Variants in DSCAM observed in about 807,000 individuals in gnomAD.
The protein encoded by DSCAM is cell adhesion molecule DSCAM.
A neutral mutation model predicts 217.7 loss-of-function variants in DSCAM; 47 were observed. That is an observed-to-expected ratio of 0.22 (90% confidence interval 0.17 to 0.28). DSCAM has a LOEUF of 0.28. Among genes scored for constraint, DSCAM ranks in the 10% least tolerant of loss-of-function variants. The probability of loss-of-function intolerance (pLI) is 1.00; values close to 1 mark genes in which losing one functional copy is unlikely to be tolerated. For missense variants in DSCAM, 2,080 were observed against 2,618.3 expected (o/e 0.79, Z 4.49); for synonymous variants, 1,056 against 1,015.3 (o/e 1.04, Z -0.76).
chr21:40,542,025 C>A (rs1307586736), intron 3 of DSCAM, among the ~76,000 whole-genome samples: 1 of 152,094 alleles, frequency 6.6e-6, no homozygotes, highest in African/African-American at 2.4e-5. Flanking sequence ...CACAAAAGAG[C>A]ATGGAGAAAA....
At chr21:40,365,520 C>G (rs949161095) in intron 4 of DSCAM, among the ~76,000 whole-genome samples, 2 of 152,246 alleles carry the variant, frequency 1.3e-5, no homozygotes, top group South Asian at 2.1e-4. Context: ...CTTGTGATCA[C>G]GTGAGTCATT....
At chr21:40,480,755 T>C (rs1463364890) in intron 3 of DSCAM, among the ~76,000 whole-genome samples, 1 of 152,186 alleles carries the variant, frequency 6.6e-6, no homozygotes, top group African/African-American at 2.4e-5. Flanking sequence ...CAGTAAAGAA[T>C]GTACATTAGG....
At chr21:40,770,222 TTTC>T (rs1337499483) in intron 1 of DSCAM, among the ~76,000 whole-genome samples, 1 of 152,242 alleles carries the variant, frequency 6.6e-6, no homozygotes, top group Admixed American at 6.5e-5. Flanking sequence ...GACTTGAACA[TTTC>T]TTAAAAGACT....
chr21:40,466,688 A>T (rs1387353812), intron 3 of DSCAM, among the ~76,000 whole-genome samples: 1 of 152,178 alleles, frequency 6.6e-6, no homozygotes. Flanking sequence ...CTCTGAAGAC[A>T]GCTAACACAC....
chr21:40,406,839 G>T (rs1279107206), intron 3 of DSCAM, among the ~76,000 whole-genome samples: 2 of 152,008 alleles, frequency 1.3e-5, no homozygotes, highest in Non-Finnish European at 2.9e-5. Context: ...GGCTGGTCTG[G>T]AACTCCTGAC....
chr21:40,504,045 C>T (rs528894812), intron 3 of DSCAM, among the ~76,000 whole-genome samples: 9 of 152,224 alleles, frequency 5.9e-5, no homozygotes, highest in Admixed American at 5.2e-4. Context: ...GGCTCATAAA[C>T]GTTTCTGGTA....
At chr21:40,026,907 G>C (rs2088398975) in intron 32 of DSCAM, among the ~76,000 whole-genome samples, 2 of 152,414 alleles carry the variant, frequency 1.3e-5, no homozygotes, top group South Asian at 2.1e-4. Flanking sequence ...GTGTGTATTT[G>C]ATCCTGTCAT....
chr21:40,033,164 G>A (rs573032149), intron 32 of DSCAM, among the ~76,000 whole-genome samples: 1 of 152,220 alleles, frequency 6.6e-6, no homozygotes, highest in Non-Finnish European at 1.5e-5. Flanking sequence ...GTGCCTGGGG[G>A]GGAGGAGCCA....
chr21:40,716,996 G>T (rs2090849167), intron 1 of DSCAM, among the ~76,000 whole-genome samples: 1 of 152,196 alleles, frequency 6.6e-6, no homozygotes, highest in South Asian at 2.1e-4. Context: ...TCCAGAGGAG[G>T]AAAGAAAAGT....
intron 5 of DSCAM, among the ~76,000 whole-genome samples, chr21:40,352,609 T>C (rs1410893935): frequency 6.6e-6 from 1 of 152,210 alleles, no homozygotes; most frequent in Non-Finnish European, 1.5e-5. Flanking sequence ...AACACTTCTA[T>C]TGTCACTGTG....
At chr21:40,164,025 C>A (rs998966475) in intron 16 of DSCAM, among the ~76,000 whole-genome samples, 1 of 152,196 alleles carries the variant, frequency 6.6e-6, no homozygotes, top group East Asian at 1.9e-4. Context: ...TTCATTCATT[C>A]ATGGAACACA....
chr21:40,151,296 C>A (rs888085680), intron 16 of DSCAM, among the ~76,000 whole-genome samples: 3 of 152,126 alleles, frequency 2.0e-5, no homozygotes, highest in African/African-American at 7.2e-5. Context: ...AGCTCAGCTT[C>A]CAGCTCACCA....
intron 3 of DSCAM, among the ~76,000 whole-genome samples, chr21:40,504,935 C>T (rs2076198536): frequency 6.6e-6 from 1 of 152,156 alleles, no homozygotes; most frequent in South Asian, 2.1e-4. Flanking sequence ...GTCATACCAG[C>T]TCTCATGTCT....
In DSCAM at chr21:40,085,656, T is replaced by C. The variant is rs2089522524; in HGVS notation, c.4078A>G (p.Ile1360Val). 7 of 1,592,004 alleles carry C rather than the reference T, an allele frequency of 4.4e-6. No homozygotes were observed. The highest frequency in any genetic ancestry group is 1.1e-5 in the South Asian group (1 of 89,134). The change falls in exon 23 of 33, where the codon ATT (isoleucine) becomes GTT (valine). Residue 1360 changes from isoleucine to valine, a missense_variant. Ile to Val is a conservative substitution (Grantham distance 29, BLOSUM62 3). Coordinates refer to ENST00000400454, the MANE Select transcript of DSCAM (RefSeq NM_001389.5). ...TCAGATCCCCAGTTGTTATTGGCAA[T>C]GCAGCTGTAATAGCCGGAGTCTTCT... is the stretch of plus-strand genomic sequence containing the variant. ...KAEDSGYYSC[I>V]ANNNWGSDEI...
At chr21:40,778,423 G>A (rs2091509168) in intron 1 of DSCAM, among the ~76,000 whole-genome samples, 1 of 152,124 alleles carries the variant, frequency 6.6e-6, no homozygotes, top group African/African-American at 2.4e-5. Context: ...GAAGCATGTA[G>A]GTTTTGAGGT....
At chr21:40,393,149 A>G (rs2075149299) in intron 3 of DSCAM, among the ~76,000 whole-genome samples, 1 of 152,198 alleles carries the variant, frequency 6.6e-6, no homozygotes, top group Non-Finnish European at 1.5e-5. Flanking sequence ...CCTCAAATCT[A>G]AAGAGTGCAG....
intron 20 of DSCAM, 50 bp from the exon 21 acceptor site, chr21:40,093,924 A>G (rs897589661): frequency 6.3e-7 from 1 of 1,582,286 alleles, no homozygotes; most frequent in Non-Finnish European, 8.6e-7. Context: ...CATGTGGCAA[A>G]AATGGATTTC....
Position 40,470,163 on chromosome 21 carries a change from T to C in DSCAM, c.509-100918A>G, listed in dbSNP as rs568739452. On this transcript the variant is annotated intron_variant, in intron 3 of 32. Coordinates refer to ENST00000400454, the MANE Select transcript of DSCAM (RefSeq NM_001389.5). ...ATAAAATAATCAAATTGGTATGTTT[T>C]ATTTCAAGTTTGGATGCAAAAGAAA... is the stretch of plus-strand genomic sequence containing the variant. Among the ~76,000 whole-genome samples the C allele has an allele frequency of 1.2e-4, 18 of 152,376 alleles. 1 individual carries two copies. In the South Asian group the frequency reaches 3.5e-3, roughly 30 times the overall value.
At chr21:40,495,867 G>A (rs889813455) in intron 3 of DSCAM, among the ~76,000 whole-genome samples, 1 of 151,918 alleles carries the variant, frequency 6.6e-6, no homozygotes, top group Admixed American at 6.6e-5. Flanking sequence ...AAAAGTAGTA[G>A]AATATTTATA....
Sources: gnomAD v4.1 joint callset for allele counts (sites outside exome capture counted in the v4.1 genomes callset) on GRCh38, gnomAD v4.1.1 for gene constraint, MANE v1.5 for transcripts, NCBI Gene and HGNC (gene_info 2026-07-23, HGNC 2026-07-21) for gene names.